GABRB2: variants seen among roughly 807,000 people sequenced by gnomAD.
GABRB2 encodes gamma-aminobutyric acid type A receptor subunit beta2, also known as gamma-aminobutyric acid receptor subunit beta-2.
A neutral mutation model predicts 54.7 loss-of-function variants in GABRB2; 16 were observed. The ratio of observed to expected loss-of-function variants is 0.29; its 90% CI spans 0.20 to 0.44. The LOEUF is 0.44. Ranked by LOEUF, GABRB2 falls within the 20% of genes least tolerant of loss-of-function variation. The pLI, the probability that GABRB2 is intolerant of heterozygous loss-of-function variation, is 1.00. For synonymous variants in GABRB2, 244 were observed against 233.8 expected (o/e 1.04, Z -0.40); for missense variants, 355 against 644.0 (o/e 0.55, Z 4.86).
intron 9 of GABRB2, among the ~76,000 whole-genome samples, chr5:161,317,005 T>C (rs915591571): frequency 3.3e-5 from 5 of 152,160 alleles, no homozygotes; most frequent in African/African-American, 1.2e-4. Flanking sequence ...TTAAAGGCTA[T>C]ATAAATTGGA....
intron 4 of GABRB2, among the ~76,000 whole-genome samples, chr5:161,420,788 C>T (rs1756825194): frequency 6.6e-6 from 1 of 152,166 alleles, no homozygotes; most frequent in Non-Finnish European, 1.5e-5. Context: ...CCATCTGCTG[C>T]CTGTCAGGTC....
chr5:161,351,735 A>G (rs1055865733), intron 5 of GABRB2, among the ~76,000 whole-genome samples: 3 of 152,154 alleles, frequency 2.0e-5, no homozygotes, highest in South Asian at 2.1e-4. Context: ...TCTGCACAGC[A>G]AAAGAAACAA....
intron 9 of GABRB2, among the ~76,000 whole-genome samples, chr5:161,310,919 C>G (rs528358776): frequency 6.6e-6 from 1 of 152,230 alleles, no homozygotes; most frequent in Admixed American, 6.5e-5. Flanking sequence ...CACCACCACG[C>G]CCGGCTAATT....
chr5:161,427,619 G>A (rs1757041256), intron 4 of GABRB2, among the ~76,000 whole-genome samples: 1 of 152,080 alleles, frequency 6.6e-6, no homozygotes, highest in South Asian at 2.1e-4. Context: ...AATTTGGGTT[G>A]TAATGAATTT....
rs56372028 is a variant in GABRB2 at position 161,289,232 on chromosome 5, C to CTTTTTTTTTTTTTTTTT, written c.*4832_*4848dup. On this transcript the variant is annotated 3_prime_UTR_variant, in exon 10 of 10. Coordinates refer to ENST00000393959, the MANE Select transcript of GABRB2 (RefSeq NM_001371727.1). ...ACCTAGTAGCTTTTTAAGAGTGCTG[C>CTTTTTTTTTTTTTTTTT]TTTTTTTTTTTTTTTTTGTACAGAT... 95 of 90,458 alleles carry CTTTTTTTTTTTTTTTTT rather than the reference C, an allele frequency of 1.1e-3. 3 individuals carry two copies. Among genetic ancestry groups the CTTTTTTTTTTTTTTTTT allele is most frequent in the African/African-American group, 3.5e-3 (57 of 16,220 alleles). The allele number at this position is 90,458 out of a possible 1,614,324, so 5.6% of individuals were successfully genotyped here. A position where few individuals can be genotyped will look rare whatever the true frequency, so the allele number is the denominator to read the frequency against.
intron 4 of GABRB2, among the ~76,000 whole-genome samples, chr5:161,449,553 A>G (rs1453717010): frequency 6.6e-6 from 1 of 152,172 alleles, no homozygotes; most frequent in Admixed American, 6.6e-5. Context: ...AGTTACTCCA[A>G]ATGTAATTAG....
At chr5:161,449,374 C>A (rs1757725397) in intron 4 of GABRB2, among the ~76,000 whole-genome samples, 1 of 152,150 alleles carries the variant, frequency 6.6e-6, no homozygotes, top group Non-Finnish European at 1.5e-5. Context: ...CTACAACTGA[C>A]TCAAGTATTC....
At chr5:161,392,068 A>T (rs1561634044) in intron 5 of GABRB2, among the ~76,000 whole-genome samples, 2 of 152,148 alleles carry the variant, frequency 1.3e-5, no homozygotes, top group African/African-American at 4.8e-5. Context: ...AATTATTAGG[A>T]ATTTCAGTAC....
At chr5:161,434,595 T>C (rs1001025943) in intron 4 of GABRB2, among the ~76,000 whole-genome samples, 9 of 152,200 alleles carry the variant, frequency 5.9e-5, no homozygotes, top group Admixed American at 4.6e-4. Context: ...CCCTTCCCTC[T>C]GCTCTTCTTC....
intron 3 of GABRB2, among the ~76,000 whole-genome samples, chr5:161,493,334 G>T (rs1331431216): frequency 6.6e-6 from 1 of 151,298 alleles, no homozygotes. Flanking sequence ...TTTGTTCTAT[G>T]TGTCCCCACC....
chr5:161,397,393 C>T (rs1756037294), intron 5 of GABRB2, among the ~76,000 whole-genome samples: 1 of 152,062 alleles, frequency 6.6e-6, no homozygotes, highest in Admixed American at 6.5e-5. Flanking sequence ...TAAATTTATA[C>T]TCAATAGTAC....
At chr5:161,396,805 T>C (rs1467900664) in intron 5 of GABRB2, among the ~76,000 whole-genome samples, 1 of 152,194 alleles carries the variant, frequency 6.6e-6, no homozygotes, top group East Asian at 1.9e-4. Context: ...AAAAAATAGC[T>C]TAACACATTA....
At chr5:161,321,180 T>C (rs1339413137) in intron 9 of GABRB2, among the ~76,000 whole-genome samples, 2 of 152,032 alleles carry the variant, frequency 1.3e-5, no homozygotes, top group Non-Finnish European at 2.9e-5. Context: ...ATCTATGTTA[T>C]CTATGCTAAT....
At chr5:161,350,361 C>T (rs1381894127) in intron 5 of GABRB2, among the ~76,000 whole-genome samples, 1 of 151,986 alleles carries the variant, frequency 6.6e-6, no homozygotes, top group Admixed American at 6.6e-5. Flanking sequence ...GAAATAAAAT[C>T]AGCATAAAAA....
At position 161,468,864 on chromosome 5, in the gene GABRB2, CTG is replaced by C. The variant is rs1758354792; in HGVS notation, c.238-9022_238-9021del. Reference sequence around the variant, plus strand: ...AAAATAAAAATTAGTAAAAACCTAACTGTTCATCAATATAAAATTGTGTATAT... The same window carrying C: ...AAAATAAAAATTAGTAAAAACCTAACTTCATCAATATAAAATTGTGTATAT... On this transcript the variant is annotated intron_variant, in intron 3 of 9. Coordinates refer to ENST00000393959, the MANE Select transcript of GABRB2 (RefSeq NM_001371727.1). Among the ~76,000 whole-genome samples, 5 of 151,994 alleles carry C rather than the reference CTG, an allele frequency of 3.3e-5. No homozygotes were observed. In the South Asian group the frequency reaches 1.0e-3, roughly 32 times the overall value.
chr5:161,318,625 C>G (rs1758114661), intron 9 of GABRB2, among the ~76,000 whole-genome samples: 1 of 151,988 alleles, frequency 6.6e-6, no homozygotes, highest in African/African-American at 2.4e-5. Context: ...ACTTAAACTT[C>G]CAGTACAAAA....
At chr5:161,513,783 TA>T (rs1759852246) in intron 3 of GABRB2, among the ~76,000 whole-genome samples, 1 of 151,932 alleles carries the variant, frequency 6.6e-6, no homozygotes, top group South Asian at 2.1e-4. Context: ...GAATCTCAAA[TA>T]AAAGTTGAAA....
At chr5:161,300,280 T>C (rs1484299248) in intron 9 of GABRB2, among the ~76,000 whole-genome samples, 2 of 152,222 alleles carry the variant, frequency 1.3e-5, no homozygotes, top group Non-Finnish European at 2.9e-5. Context: ...AGATGTTAAA[T>C]TCAATAGCAA....
At chr5:161,367,305 A>G (rs1051875007) in intron 5 of GABRB2, among the ~76,000 whole-genome samples, 1 of 152,342 alleles carries the variant, frequency 6.6e-6, no homozygotes, top group African/African-American at 2.4e-5. Flanking sequence ...AACTTAATTC[A>G]AACATATGGG....
Sources: allele counts gnomAD v4.1 joint callset (sites outside exome capture counted in the v4.1 genomes callset), GRCh38; gene constraint gnomAD v4.1.1; transcripts MANE v1.5; gene names NCBI Gene and HGNC (gene_info 2026-07-23, HGNC 2026-07-21).